PRKN: variants seen among roughly 807,000 people sequenced by gnomAD.
PRKN encodes E3 ubiquitin-protein ligase parkin.
PRKN carries 56 observed loss-of-function variants against 59.5 expected under a neutral mutation model. The ratio of observed to expected loss-of-function variants is 0.94; its 90% CI spans 0.76 to 1.18. The LOEUF (loss-of-function observed/expected upper bound fraction) is 1.18, where lower values mean the gene tolerates loss of function less well. Among genes scored for constraint, PRKN ranks in the 50% most tolerant of loss-of-function variants. The pLI is 0.00. For missense variants in PRKN, 657 were observed against 596.4 expected, an observed-to-expected ratio of 1.10 and a Z score of -1.06; for synonymous variants, 250 against 222.1, an observed-to-expected ratio of 1.13 and a Z score of -1.12.
intron 1 of PRKN, among the ~76,000 whole-genome samples, chr6:162,648,399 T>TTA (rs35979658): frequency 2.0e-5 from 3 of 151,432 alleles, no homozygotes; most frequent in Admixed American, 1.3e-4. Flanking sequence ...TTTATTTTTT[T>TTA]AAGATGGAGT....
chr6:161,563,989 GC>G (rs1780546092), intron 8 of PRKN, among the ~76,000 whole-genome samples: 1 of 152,132 alleles, frequency 6.6e-6, no homozygotes, highest in Admixed American at 6.5e-5. Flanking sequence ...AGATGATTGA[GC>G]TTCACTCTCC....
Position 161,819,885 on chromosome 6 carries a change from A to G in PRKN, c.735-33977T>C, listed in dbSNP as rs1791947903. On this transcript the variant is annotated intron_variant, in intron 6 of 11. Coordinates refer to ENST00000366898, the MANE Select transcript of PRKN (RefSeq NM_004562.3). Reference sequence around the variant, plus strand: ...TTTCAAATAAAAAATGATTTATCAAAACTCGTAAGAGATACTTCAAAGCAT... The same window carrying G: ...TTTCAAATAAAAAATGATTTATCAAGACTCGTAAGAGATACTTCAAAGCAT... Among the ~76,000 whole-genome samples, 3 of 152,350 alleles carry G rather than the reference A, an allele frequency of 2.0e-5. No homozygotes were observed. The South Asian group carries it at 6.2e-4, about 32-fold the overall frequency.
chr6:162,492,904 G>A (rs1326737666), intron 1 of PRKN, among the ~76,000 whole-genome samples: 1 of 145,760 alleles, frequency 6.9e-6, no homozygotes, highest in African/African-American at 2.6e-5. Context: ...AGTGAGCTGA[G>A]ATCCCGCCAC....
At chr6:161,670,704 TAC>T (rs1404484911) in intron 7 of PRKN, among the ~76,000 whole-genome samples, 1 of 152,096 alleles carries the variant, frequency 6.6e-6, no homozygotes, top group Non-Finnish European at 1.5e-5. Context: ...TTGTCCCAGC[TAC>T]TCGGGAGGCT....
At position 162,651,694 on chromosome 6, in the gene PRKN, C is replaced by T. The variant is rs189080182; in HGVS notation, c.7+75968G>A. 6.6e-4 allele frequency among the ~76,000 whole-genome samples: 101 copies of T among 152,258 alleles called. No homozygotes were observed. The East Asian group carries it at 9.9e-3, about 15-fold the overall frequency. On this transcript the variant is annotated intron_variant, in intron 1 of 11. Transcript: ENST00000366898. ...ATGCCCATGGGAAGAAGGAAAAAAG[C>T]AGGCTTCTCAGGTTACGTAAGTGGA...
At chr6:161,920,454 A>T (rs1412871221) in intron 6 of PRKN, among the ~76,000 whole-genome samples, 1 of 152,124 alleles carries the variant, frequency 6.6e-6, no homozygotes, top group East Asian at 1.9e-4. Context: ...ACATGTGAAC[A>T]TGGAAAAGGT....
intron 4 of PRKN, among the ~76,000 whole-genome samples, chr6:162,086,346 A>G (rs1238796788): frequency 2.0e-5 from 3 of 152,174 alleles, no homozygotes; most frequent in African/African-American, 7.2e-5. Context: ...GACTAGGAAT[A>G]TAAGCAAAAG....
chr6:162,705,101 T>C (rs1004254324), intron 1 of PRKN, among the ~76,000 whole-genome samples: 2 of 152,200 alleles, frequency 1.3e-5, no homozygotes, highest in Admixed American at 1.3e-4. Context: ...ACTTTAGTAA[T>C]AACTACTAAA....
intron 3 of PRKN, among the ~76,000 whole-genome samples, chr6:162,213,379 G>A (rs993083797): frequency 6.6e-6 from 1 of 152,196 alleles, no homozygotes; most frequent in East Asian, 1.9e-4. Flanking sequence ...CCGAAACACC[G>A]TGAAGGGTAT....
chr6:161,522,322 G>T lies in PRKN; in HGVS notation c.1083+26532C>A, dbSNP rs112860178. ...GCTGAAGATGGATATGTGCTGCCTTGCTGACAAGTGGTGAGGACAAGCGAG... is the reference window on the plus strand; with the variant it reads ...GCTGAAGATGGATATGTGCTGCCTTTCTGACAAGTGGTGAGGACAAGCGAG... On this transcript the variant is annotated intron_variant, in intron 9 of 11. Coordinates refer to ENST00000366898, the MANE Select transcript of PRKN (RefSeq NM_004562.3). Among the ~76,000 whole-genome samples, 725 of 152,322 alleles carry T rather than the reference G, an allele frequency of 4.8e-3. 2 individuals carry two copies. Among genetic ancestry groups the T allele is most frequent in the South Asian group, 7.9e-3 (38 of 4,834 alleles).
At chr6:162,292,255 C>T (rs75066231) in intron 2 of PRKN, among the ~76,000 whole-genome samples, 6,001 of 152,172 alleles carry the variant, frequency 0.039, 387 homozygotes, top group African/African-American at 0.13. Context: ...TGAGCCACTG[C>T]GCCCGGCCTC....
intron 4 of PRKN, among the ~76,000 whole-genome samples, chr6:162,183,874 CT>C (rs1390405036): frequency 6.6e-6 from 1 of 152,140 alleles, no homozygotes; most frequent in Non-Finnish European, 1.5e-5. Flanking sequence ...AATACACTTA[CT>C]AGTTCTAAAA....
chr6:162,262,291 T>G (rs758459027), intron 3 of PRKN, among the ~76,000 whole-genome samples: 13 of 152,098 alleles, frequency 8.5e-5, no homozygotes, highest in Non-Finnish European at 1.9e-4. Context: ...TAGAAACATA[T>G]CTCTTATATT....
chr6:161,936,651 G>A lies in PRKN; in HGVS notation c.734+36651C>T, dbSNP rs898088142. On this transcript the variant is annotated intron_variant, in intron 6 of 11. Transcript: ENST00000366898. ...ACATGCCCAGGAAAGCTCCACCAGA[G>A]ACTCCTCCTGCACCACGAGAAAGCT... 2.0e-5 allele frequency among the ~76,000 whole-genome samples: 3 copies of A among 152,248 alleles called. No homozygotes were observed. The South Asian group carries it at 6.2e-4, about 32-fold the overall frequency.
chr6:162,270,343 A>T (rs527736570), intron 2 of PRKN: 1 of 151,806 alleles, frequency 6.6e-6, no homozygotes, highest in Non-Finnish European at 1.5e-5. Flanking sequence ...GCATGATACA[A>T]TGGACTTCAG....
intron 7 of PRKN, among the ~76,000 whole-genome samples, chr6:161,665,021 C>T (rs564837481): frequency 2.0e-5 from 3 of 152,000 alleles, no homozygotes; most frequent in South Asian, 2.1e-4. Flanking sequence ...CTCCTGACCT[C>T]GTGATCCACC....
At chr6:161,383,282 A>G (rs1484656939) in intron 10 of PRKN, among the ~76,000 whole-genome samples, 1 of 152,270 alleles carries the variant, frequency 6.6e-6, no homozygotes, top group African/African-American at 2.4e-5. Context: ...TGAAATTTGA[A>G]GAAATAGCTT....
rs2114834486 is a variant in PRKN, at chr6:161,352,280, G to GA, written c.1286-2070dup. On this transcript the variant is annotated intron_variant, in intron 11 of 11. Transcript: ENST00000366898. The surrounding 1 kb of genome is among the most constrained non-coding windows in gnomAD (Gnocchi z 5.8). ...ATTTAAAATATTTATGAATATATAG[G>GA]AATAGGCATTTGTTTTAAGATAACT... Among the ~76,000 whole-genome samples, 1 of 152,230 alleles carries GA rather than the reference G, an allele frequency of 6.6e-6. No homozygotes were observed. Among genetic ancestry groups the GA allele is most frequent in the African/African-American group, 2.4e-5 (1 of 41,550 alleles).
chr6:162,094,011 G>A (rs911732441), intron 4 of PRKN, among the ~76,000 whole-genome samples: 7 of 152,144 alleles, frequency 4.6e-5, no homozygotes, highest in South Asian at 2.1e-4. Context: ...AATGCAAAAC[G>A]GGACAAAGAA....
Sources: allele counts gnomAD v4.1 joint callset (sites outside exome capture counted in the v4.1 genomes callset), GRCh38; gene constraint gnomAD v4.1.1; non-coding constraint Gnocchi (gnomAD v3.1); transcripts MANE v1.5; gene names NCBI Gene and HGNC (gene_info 2026-07-23, HGNC 2026-07-21).